The following NTRK3 variants were observed in gnomAD, a reference collection of about 807,000 sequenced individuals.
NTRK3 encodes NT-3 growth factor receptor.
In NTRK3, 24 loss-of-function variants were observed where a neutral mutation model predicts 91.7. The ratio of observed to expected loss-of-function variants is 0.26; its 90% CI spans 0.19 to 0.37. NTRK3 has a LOEUF of 0.37. Ranked by LOEUF, NTRK3 falls within the 10% of genes least tolerant of loss-of-function variation. The probability of loss-of-function intolerance (pLI) is 1.00; values close to 1 mark genes in which losing one functional copy is unlikely to be tolerated. For synonymous variants in NTRK3, 483 were observed against 404.0 expected (o/e 1.20, Z -2.34); for missense variants, 880 against 1,068.9 (o/e 0.82, Z 2.46).
In NTRK3 at chr15:88,233,295, G is replaced by A. The variant is rs1314057922; in HGVS notation, c.248+22611C>T. On this transcript the variant is annotated intron_variant, in intron 3 of 18. Coordinates refer to ENST00000394480, the Ensembl canonical transcript of NTRK3. This position sits in a 1 kb window ranked among gnomAD's most constrained non-coding sequence, Gnocchi z 4.2. The stretch of plus-strand genomic sequence containing the variant: ...TCATTTGCAGAGATATTATAATGCA[G>A]ATCACTTGTGAAACACCTCTGGCTT... Among the ~76,000 whole-genome samples, 1 of 152,114 alleles carries A rather than the reference G, an allele frequency of 6.6e-6. No homozygotes were observed. Among genetic ancestry groups the A allele is most frequent in the African/African-American group, 2.4e-5 (1 of 41,410 alleles).
chr15:88,192,893 C>T (rs1222545311), intron 3 of NTRK3, among the ~76,000 whole-genome samples: 1 of 152,194 alleles, frequency 6.6e-6, no homozygotes, highest in African/African-American at 2.4e-5. Context: ...TCCAGTTGCT[C>T]TCTGGCACAA....
intron 13 of NTRK3, among the ~76,000 whole-genome samples, chr15:88,084,213 C>T (rs2048306323): frequency 6.6e-6 from 1 of 151,946 alleles, no homozygotes. Context: ...CTCCTGCTTC[C>T]CCAGAGACCC....
At position 87,861,714 on chromosome 15, in the gene NTRK3, G is replaced by A. The variant is rs547964380; in HGVS notation, c.*15221C>T. On this transcript the variant is annotated 3_prime_UTR_variant, in exon 19 of 19. Coordinates refer to ENST00000394480, the Ensembl canonical transcript of NTRK3. The stretch of plus-strand genomic sequence containing the variant: ...GCCTTAAGAACCCAGAAGTAGCACT[G>A]AGCTCACCTCTAAAGAGGCAGAGGG... 2 of 194,970 alleles carry A rather than the reference G, an allele frequency of 1.0e-5. 1 individual carries two copies. The highest frequency in any genetic ancestry group is 3.8e-4 in the South Asian group (2 of 5,204). The allele number at this position is 194,970 out of a possible 1,614,324, so 12.1% of individuals were successfully genotyped here.
intron 3 of NTRK3, among the ~76,000 whole-genome samples, chr15:88,213,682 A>G (rs1208439734): frequency 6.6e-6 from 1 of 152,246 alleles, no homozygotes; most frequent in African/African-American, 2.4e-5. Flanking sequence ...GCCCTCACAC[A>G]GTCCTGCGAG....
chr15:88,159,487 TC>T (rs1274178506), intron 5 of NTRK3, among the ~76,000 whole-genome samples: 6 of 152,186 alleles, frequency 3.9e-5, no homozygotes, highest in Non-Finnish European at 7.3e-5. Flanking sequence ...TCTAAGAGGT[TC>T]CCTGGGTGAC....
chr15:88,108,257 C>T (rs2050927399), intron 13 of NTRK3, among the ~76,000 whole-genome samples: 1 of 152,226 alleles, frequency 6.6e-6, no homozygotes, highest in African/African-American at 2.4e-5. Context: ...CAAATACACT[C>T]CTGCCATTTG....
In NTRK3 at chr15:88,209,460, C is replaced by T. The variant is rs113066003; in HGVS notation, c.249-25161G>A. ...ATCAGTCAGAGACCAGTCAGGAAAA[C>T]GGAATTCACATCCTATACTTGAGAG... On this transcript the variant is annotated intron_variant, in intron 3 of 18. Coordinates refer to ENST00000394480, the Ensembl canonical transcript of NTRK3. 3.7e-3 allele frequency among the ~76,000 whole-genome samples: 556 copies of T among 152,278 alleles called. 5 individuals carry two copies. Among genetic ancestry groups the T allele is most frequent in the Admixed American group, 5.9e-3 (90 of 15,304 alleles).
intron 13 of NTRK3, among the ~76,000 whole-genome samples, chr15:88,092,139 T>C (rs1310125688): frequency 6.6e-6 from 1 of 152,206 alleles, no homozygotes; most frequent in Non-Finnish European, 1.5e-5. Context: ...CTACTTTGCC[T>C]GCAGCTTAGT....
At chr15:88,223,191 A>C (rs2050385826) in intron 3 of NTRK3, among the ~76,000 whole-genome samples, 1 of 152,230 alleles carries the variant, frequency 6.6e-6, no homozygotes, top group Admixed American at 6.5e-5. Flanking sequence ...CCCAGGGCGG[A>C]CAGTGACTGC....
chr15:88,127,219 T>C (rs1188858998), exon 12 of NTRK3: 3 of 1,614,022 alleles, frequency 1.9e-6, no homozygotes, highest in East Asian at 2.2e-5. Flanking sequence ...TGGGACTCAC[T>C]TCGTCAACTG....
intron 5 of NTRK3, among the ~76,000 whole-genome samples, chr15:88,168,812 G>A (rs964732300): frequency 6.6e-6 from 1 of 152,202 alleles, no homozygotes; most frequent in South Asian, 2.1e-4. Context: ...GCACAGTATG[G>A]ACTCAGTTTC....
At position 87,877,215 on chromosome 15, in the gene NTRK3, T is replaced by C. The variant is rs145496534; in HGVS notation, c.2293-95A>G. 4.7e-4 allele frequency: 617 copies of C among 1,312,856 alleles called. 6 individuals carry two copies. The East Asian group carries it at 0.014, about 30-fold the overall frequency. The allele number at this position is 1,312,856 out of a possible 1,614,324, so 81.3% of individuals were successfully genotyped here. A position where few individuals can be genotyped will look rare whatever the true frequency, so the allele number is the denominator to read the frequency against. ...AAAAAGCAACAACTTCCCGGATTAG[T>C]TTCTATGCAGAGCCGAGGCTCTCAC... On this transcript the variant is annotated intron_variant, in intron 18 of 18. Transcript: ENST00000394480.
chr15:87,888,182 T>G (rs894377372), intron 17 of NTRK3, among the ~76,000 whole-genome samples: 28 of 152,032 alleles, frequency 1.8e-4, no homozygotes, highest in African/African-American at 6.8e-4. Context: ...TTTGAAAAAT[T>G]TGGGAGGCTG....
At chr15:88,062,870 A>G (rs767637222) in intron 13 of NTRK3, among the ~76,000 whole-genome samples, 2 of 152,196 alleles carry the variant, frequency 1.3e-5, no homozygotes, top group African/African-American at 2.4e-5. Context: ...TGCCCACTCT[A>G]TCAGCTTCCC....
intron 4 of NTRK3, 109 bp from the exon 5 acceptor site, chr15:88,183,598 G>T: frequency 3.0e-6 from 3 of 1,007,112 alleles, no homozygotes; most frequent in Non-Finnish European, 4.7e-6. Flanking sequence ...CAGCCGCCCT[G>T]TGGATTATCT....
chr15:87,950,729 G>A (rs148135594), intron 14 of NTRK3, among the ~76,000 whole-genome samples: 12 of 152,308 alleles, frequency 7.9e-5, no homozygotes, highest in Middle Eastern at 3.4e-3. Context: ...CATTTGGAGC[G>A]TGTCGAAGGA....
exon 19 of NTRK3, chr15:87,871,927 G>A (rs1035226455): frequency 9.0e-6 from 2 of 221,188 alleles, no homozygotes; most frequent in African/African-American, 4.5e-5. Context: ...GCATAAACTT[G>A]GAATTTTCCT....
intron 14 of NTRK3, among the ~76,000 whole-genome samples, chr15:87,960,644 C>G (rs1017388746): frequency 6.6e-6 from 1 of 152,088 alleles, no homozygotes; most frequent in Non-Finnish European, 1.5e-5. Context: ...GCCACTACAC[C>G]TGGCTAATTT....
intron 3 of NTRK3, among the ~76,000 whole-genome samples, chr15:88,244,809 C>T (rs2052671623): frequency 6.6e-6 from 1 of 152,202 alleles, no homozygotes; most frequent in Admixed American, 6.5e-5. Context: ...TTCAGACAGA[C>T]TTATTGGATT....
Sources: gnomAD v4.1 joint callset for allele counts (sites outside exome capture counted in the v4.1 genomes callset) on GRCh38, gnomAD v4.1.1 for gene constraint, Gnocchi (gnomAD v3.1) non-coding constraint, MANE v1.5 for transcripts, NCBI Gene and HGNC (gene_info 2026-07-23, HGNC 2026-07-21) for gene names.